Variants in NFU1 observed in about 807,000 individuals in gnomAD.
The protein encoded by NFU1 is NFU1 iron-sulfur cluster scaffold homolog, mitochondrial.
NFU1 carries 30 observed loss-of-function variants against 32.2 expected under a neutral mutation model. The observed-to-expected ratio is 0.93, with a 90% CI of 0.70 to 1.26. The LOEUF is 1.26. NFU1 is among the 50% of genes most tolerant of loss of function. The pLI, the probability that NFU1 is intolerant of heterozygous loss-of-function variation, is 0.00. For synonymous variants in NFU1, 112 were observed against 104.6 expected (o/e 1.07, Z -0.43); for missense variants, 306 against 306.6 (o/e 1.00, Z 0.02).
chr2:69,411,551 A>G (rs1672878216), intron 5 of NFU1, among the ~76,000 whole-genome samples: 1 of 152,188 alleles, frequency 6.6e-6, no homozygotes, highest in African/African-American at 2.4e-5. Context: ...CTAACAAAGA[A>G]TTAATATTCA....
intron 3 of NFU1, among the ~76,000 whole-genome samples, chr2:69,420,173 T>C (rs917917213): frequency 6.6e-6 from 1 of 151,982 alleles, no homozygotes; most frequent in African/African-American, 2.4e-5. Flanking sequence ...GCCCAGCTAA[T>C]TTTTGTATTT....
At chr2:69,397,880 C>T (rs1246778716) in intron 7 of NFU1, among the ~76,000 whole-genome samples, 1 of 144,606 alleles carries the variant, frequency 6.9e-6, no homozygotes, top group Non-Finnish European at 1.5e-5. Flanking sequence ...AGCCATTGTA[C>T]TCCAGCCTGG....
At chr2:69,410,828 T>C (rs1672855673) in intron 5 of NFU1, 2 of 152,200 alleles carry the variant, frequency 1.3e-5, no homozygotes, top group South Asian at 4.1e-4. Context: ...CTCCCAAATT[T>C]AATCTGTAAA....
intron 4 of NFU1, among the ~76,000 whole-genome samples, chr2:69,417,700 G>T (rs148562856): frequency 4.8e-4 from 73 of 151,966 alleles, no homozygotes; most frequent in Non-Finnish European, 9.6e-4. Flanking sequence ...ACATATATGT[G>T]TATCAACATA....
chr2:69,400,223 CA>C, intron 7 of NFU1, 140 bp downstream of exon 7: 2 of 789,624 alleles, frequency 2.5e-6, no homozygotes, highest in Non-Finnish European at 4.2e-6. Flanking sequence ...AATTGCAACA[CA>C]AAAATCCAGC....
Position 69,406,064 on chromosome 2 carries a change from T to A in NFU1, c.503A>T (p.Glu168Val). 6.3e-7 allele frequency: 1 copy of A among 1,596,600 alleles called. No homozygotes were observed. The highest frequency in any genetic ancestry group is 8.6e-7 in the Non-Finnish European group (1 of 1,165,292). The change falls in exon 6 of 8, where the codon GAA (glutamate) becomes GTA (valine). Residue 168 changes from glutamate (E) to valine (V), a missense_variant. Glu to Val is a moderately radical substitution (Grantham distance 121). Transcript: ENST00000410022. ...CAATTCCTTAATCATTGCCACAACT[T>A]CATCATCTTCTTCAGATCCTAGAAA... is the stretch of plus-strand genomic sequence containing the variant. The part of the protein sequence containing the change: ...SGEAGSEEDD[E>V]VVAMIKELLD...
chr2:69,415,050 T>C, intron 5 of NFU1, 135 bp downstream of exon 5: 2 of 632,332 alleles, frequency 3.2e-6, no homozygotes, highest in Admixed American at 3.0e-5. Flanking sequence ...CAAAATGATA[T>C]ATAAATTTGC....
At chr2:69,410,016 C>A (rs1280568093) in intron 5 of NFU1, among the ~76,000 whole-genome samples, 1 of 152,124 alleles carries the variant, frequency 6.6e-6, no homozygotes, top group Non-Finnish European at 1.5e-5. Context: ...GAGTGCTAAC[C>A]TTGACGGATA....
chr2:69,421,405 C>T (rs1377720445), intron 3 of NFU1, among the ~76,000 whole-genome samples: 1 of 151,784 alleles, frequency 6.6e-6, no homozygotes, highest in African/African-American at 2.4e-5. Context: ...AAATAGTTAC[C>T]TGAGCTCTGT....
chr2:69,436,577 G>A lies in NFU1; in HGVS notation c.62+784C>T, dbSNP rs181020772. On this transcript the variant is annotated intron_variant, in intron 1 of 7. Transcript: ENST00000410022. Reference sequence around the variant, plus strand: ...GAAGACATCTACTCAAACACAGGAGGTAACTAACAAAAAATTCTACCAACT... The same window carrying A: ...GAAGACATCTACTCAAACACAGGAGATAACTAACAAAAAATTCTACCAACT... 4.7e-3 allele frequency among the ~76,000 whole-genome samples: 718 copies of A among 152,234 alleles called. 10 individuals are homozygous for A. The highest frequency in any genetic ancestry group is 0.012 in the Admixed American group (176 of 15,288).
At chr2:69,431,053 T>C (rs1179962746) in intron 2 of NFU1, among the ~76,000 whole-genome samples, 1 of 152,198 alleles carries the variant, frequency 6.6e-6, no homozygotes, top group Non-Finnish European at 1.5e-5. Flanking sequence ...TTAAATCATA[T>C]CTATTTCCCA....
intron 1 of NFU1, among the ~76,000 whole-genome samples, chr2:69,434,880 G>C (rs1439068571): frequency 2.0e-5 from 3 of 152,192 alleles, no homozygotes; most frequent in Admixed American, 1.3e-4. Flanking sequence ...CCAGGGAACG[G>C]GTGTTGCTGA....
intron 7 of NFU1, 66 bp downstream of exon 7, chr2:69,400,298 C>T (rs1040357694): frequency 1.5e-6 from 2 of 1,373,560 alleles, no homozygotes; most frequent in Non-Finnish European, 1.0e-6. Flanking sequence ...CTATTTCCAG[C>T]CTTTGTATCT....
intron 4 of NFU1, among the ~76,000 whole-genome samples, chr2:69,417,305 C>T (rs149390320): frequency 6.6e-6 from 1 of 152,028 alleles, no homozygotes; most frequent in African/African-American, 2.4e-5. Flanking sequence ...TGATGAGAAA[C>T]ATTACTGGAA....
intron 2 of NFU1, among the ~76,000 whole-genome samples, chr2:69,427,853 G>A (rs1387060359): frequency 6.7e-6 from 1 of 148,190 alleles, no homozygotes; most frequent in East Asian, 2.0e-4. Flanking sequence ...TTTTGTAGAG[G>A]TATTTGTAAA....
chr2:69,421,723 A>G (rs1673251301), intron 3 of NFU1, among the ~76,000 whole-genome samples: 1 of 151,840 alleles, frequency 6.6e-6, no homozygotes, highest in African/African-American at 2.4e-5. Context: ...GCCCGCCACC[A>G]CATCCGGCTA....
chr2:69,433,671 T>C (rs1673727779), intron 1 of NFU1, among the ~76,000 whole-genome samples: 1 of 152,142 alleles, frequency 6.6e-6, no homozygotes, highest in Non-Finnish European at 1.5e-5. Flanking sequence ...AGACAGGGTT[T>C]CACCACGTTG....
chr2:69,397,494 C>T (rs999852138), intron 7 of NFU1, among the ~76,000 whole-genome samples: 2 of 152,152 alleles, frequency 1.3e-5, no homozygotes, highest in Admixed American at 1.3e-4. Context: ...ATCTGAAGGC[C>T]AATTCATCAC....
chr2:69,417,549 A>G (rs1673098202), intron 4 of NFU1, among the ~76,000 whole-genome samples: 2 of 151,984 alleles, frequency 1.3e-5, no homozygotes, highest in South Asian at 2.1e-4. Flanking sequence ...CTACTCGGGA[A>G]GCTGAGACAG....
Sources: gnomAD v4.1 joint callset for allele counts (sites outside exome capture counted in the v4.1 genomes callset) on GRCh38, gnomAD v4.1.1 for gene constraint, MANE v1.5 for transcripts, NCBI Gene and HGNC (gene_info 2026-07-23, HGNC 2026-07-21) for gene names.